Variants in GABRA5 observed in about 807,000 individuals in gnomAD.
The protein encoded by GABRA5 is gamma-aminobutyric acid type A receptor subunit alpha5, also known as gamma-aminobutyric acid receptor subunit alpha-5.
In GABRA5, 18 loss-of-function variants were observed where a neutral mutation model predicts 47.3. That is an observed-to-expected ratio of 0.38 (90% confidence interval 0.26 to 0.56). The LOEUF is 0.56. GABRA5 is among the 20% of genes least tolerant of loss of function. The pLI is 0.71. For missense variants in GABRA5, 365 were observed against 599.3 expected, an observed-to-expected ratio of 0.61 and a Z score of 4.08; for synonymous variants, 237 against 229.3, an observed-to-expected ratio of 1.03 and a Z score of -0.30.
At chr15:26,932,395 C>A (rs534735846) in intron 7 of GABRA5, among the ~76,000 whole-genome samples, 3 of 152,098 alleles carry the variant, frequency 2.0e-5, no homozygotes, top group African/African-American at 7.2e-5. Flanking sequence ...TAGTGAAATG[C>A]AAATCAAAAC....
At chr15:26,916,555 GT>G (rs1210930011) in intron 7 of GABRA5, among the ~76,000 whole-genome samples, 1 of 151,898 alleles carries the variant, frequency 6.6e-6, no homozygotes, top group Non-Finnish European at 1.5e-5. Flanking sequence ...GGATATTTGG[GT>G]TTTTTTGTTA....
chr15:26,896,036 G>C (rs550324809), intron 6 of GABRA5, among the ~76,000 whole-genome samples: 6 of 152,054 alleles, frequency 3.9e-5, no homozygotes, highest in African/African-American at 1.4e-4. Flanking sequence ...TCTTCCTCCG[G>C]GTTATCAGTG....
intron 7 of GABRA5, among the ~76,000 whole-genome samples, chr15:26,933,595 C>T (rs934580075): frequency 1.3e-5 from 2 of 152,192 alleles, no homozygotes; most frequent in Non-Finnish European, 2.9e-5. Context: ...TGGTCTCTGA[C>T]TCTCTCCCTG....
At chr15:26,938,009 CT>C (rs1894288371) in intron 8 of GABRA5, among the ~76,000 whole-genome samples, 1 of 152,202 alleles carries the variant, frequency 6.6e-6, no homozygotes. Context: ...CCTCTGCAGC[CT>C]TGGAGAAAAG....
At chr15:26,880,193 G>T (rs1892694096) in intron 3 of GABRA5, among the ~76,000 whole-genome samples, 2 of 152,140 alleles carry the variant, frequency 1.3e-5, no homozygotes, top group African/African-American at 4.8e-5. Context: ...CTTCCCTGAG[G>T]GTCAGCCCAC....
Position 26,942,115 on chromosome 15 carries a change from G to T in GABRA5, c.878-1100G>T, listed in dbSNP as rs115228553. 6.0e-3 allele frequency among the ~76,000 whole-genome samples: 920 copies of T among 152,296 alleles called. 4 individuals carry two copies. The highest frequency in any genetic ancestry group is 0.02 in the African/African-American group (819 of 41,570). ...TCCAGCAGGCCTGGCTCCCAGTGTG[G>T]GTAGTCTCATCTCCTTGCTGGCGAG... On this transcript the variant is annotated intron_variant, in intron 9 of 10. Coordinates refer to ENST00000335625, the MANE Select transcript of GABRA5 (RefSeq NM_000810.4).
chr15:26,926,031 C>G (rs1252909683), intron 7 of GABRA5, among the ~76,000 whole-genome samples: 1 of 152,196 alleles, frequency 6.6e-6, no homozygotes, highest in Non-Finnish European at 1.5e-5. Context: ...TAGGATTTTG[C>G]ACCTCACTCT....
intron 7 of GABRA5, among the ~76,000 whole-genome samples, chr15:26,933,508 C>T: frequency 6.6e-6 from 1 of 152,190 alleles, no homozygotes. Context: ...GGCAAACAGT[C>T]TTTTCTGCTG....
At chr15:26,899,194 C>T (rs1893269237) in intron 6 of GABRA5, among the ~76,000 whole-genome samples, 1 of 152,168 alleles carries the variant, frequency 6.6e-6, no homozygotes, top group Admixed American at 6.5e-5. Context: ...TTATGATGTA[C>T]TCTTTGACCC....
At chr15:26,921,951 G>A (rs7175487) in intron 7 of GABRA5, among the ~76,000 whole-genome samples, 66,909 of 151,862 alleles carry the variant, frequency 0.44, 15,034 homozygotes, top group Middle Eastern at 0.61. Context: ...CATATCCAGA[G>A]AATGCCCTCT....
At position 26,948,256 on chromosome 15, in the gene GABRA5, A is replaced by G; in HGVS notation, c.*23A>G. On this transcript the variant is annotated 3_prime_UTR_variant, in exon 11 of 11. Transcript: ENST00000335625. ...TAACCGGCCACACTCCCAAACTCCAAGACAGCCATACTTCCAGCGAAATGG... is the reference window on the plus strand; with the variant it reads ...TAACCGGCCACACTCCCAAACTCCAGGACAGCCATACTTCCAGCGAAATGG... 1 of 1,603,190 alleles carries G rather than the reference A, an allele frequency of 6.2e-7. No individual in the cohort carries two copies. The highest frequency in any genetic ancestry group is 1.1e-5 in the South Asian group (1 of 89,558).
intron 7 of GABRA5, among the ~76,000 whole-genome samples, chr15:26,924,880 G>C (rs1215395347): frequency 6.6e-6 from 1 of 152,088 alleles, no homozygotes; most frequent in Non-Finnish European, 1.5e-5. Context: ...TCCAAACCTG[G>C]GATGTGTAAG....
chr15:26,887,282 G>A (rs928814363), intron 6 of GABRA5, among the ~76,000 whole-genome samples: 5 of 151,982 alleles, frequency 3.3e-5, no homozygotes, highest in Non-Finnish European at 7.4e-5. Flanking sequence ...TAAGTAAAAC[G>A]ACAAAATATG....
At chr15:26,887,116 A>G (rs1350713510) in intron 6 of GABRA5, among the ~76,000 whole-genome samples, 2 of 152,210 alleles carry the variant, frequency 1.3e-5, no homozygotes, top group Admixed American at 1.3e-4. Context: ...CCCACATAGT[A>G]TCCATCTCAA....
intron 4 of GABRA5, among the ~76,000 whole-genome samples, chr15:26,881,208 G>A (rs118106607): frequency 9.5e-4 from 145 of 152,212 alleles, no homozygotes; most frequent in Middle Eastern, 3.4e-3. Flanking sequence ...AAGAAGCTGG[G>A]GGAAGTGGTC....
rs180898693 is a variant in GABRA5, at chr15:26,946,002, G to A, written c.1090-1932G>A. On this transcript the variant is annotated intron_variant, in intron 10 of 10. Transcript: ENST00000335625. ...AGCTCTCAGTGATGGTGGGGAAGGC[G>A]GGGACGGCAAAACTGCCATCGCATT... 3.0e-3 allele frequency among the ~76,000 whole-genome samples: 453 copies of A among 152,182 alleles called. 4 individuals are homozygous for A. The highest frequency in any genetic ancestry group is 0.01 in the African/African-American group (425 of 41,512).
At chr15:26,946,503 C>T (rs912871141) in intron 10 of GABRA5, among the ~76,000 whole-genome samples, 1 of 151,656 alleles carries the variant, frequency 6.6e-6, no homozygotes, top group Non-Finnish European at 1.5e-5. Context: ...CATATGTCAG[C>T]ATGCATGTCA....
chr15:26,919,789 AT>A (rs527457543), intron 7 of GABRA5, among the ~76,000 whole-genome samples: 2 of 151,970 alleles, frequency 1.3e-5, no homozygotes, highest in Non-Finnish European at 2.9e-5. Context: ...TCTCTTTAGT[AT>A]TTCTTGCAAG....
intron 1 of GABRA5, among the ~76,000 whole-genome samples, chr15:26,868,363 C>G (rs1892377215): frequency 6.6e-6 from 1 of 151,876 alleles, no homozygotes; most frequent in Non-Finnish European, 1.5e-5. Context: ...TCTCCCAATT[C>G]CGGAGTTTGC....
Sources: gnomAD v4.1 joint callset for allele counts (sites outside exome capture counted in the v4.1 genomes callset) on GRCh38, gnomAD v4.1.1 for gene constraint, MANE v1.5 for transcripts, NCBI Gene and HGNC (gene_info 2026-07-23, HGNC 2026-07-21) for gene names.